The following KIAA0825 variants were observed in gnomAD, a reference collection of about 807,000 sequenced individuals.
The protein encoded by KIAA0825 is uncharacterized protein KIAA0825.
Under a neutral mutation model 147.6 loss-of-function variants are expected in KIAA0825, and 119 were observed. The observed-to-expected ratio is 0.81, with a 90% CI of 0.69 to 0.94. The LOEUF is 0.94. KIAA0825 is among the 40% of genes least tolerant of loss of function. The pLI is 0.00. For missense variants in KIAA0825, 1,381 were observed against 1,472.7 expected (o/e 0.94, Z 1.02); for synonymous variants, 470 against 518.1 (o/e 0.91, Z 1.26).
chr5:94,497,566 A>AAAAC (rs1441000625), intron 5 of KIAA0825, among the ~76,000 whole-genome samples: 2 of 152,230 alleles, frequency 1.3e-5, no homozygotes, highest in Admixed American at 6.5e-5. Context: ...GCCCCAAAGT[A>AAAAC]AAACAAACAA....
At chr5:94,349,140 G>A (rs1296587574) in intron 20 of KIAA0825, among the ~76,000 whole-genome samples, 3 of 151,844 alleles carry the variant, frequency 2.0e-5, no homozygotes, top group South Asian at 2.1e-4. Flanking sequence ...AAGCAGGGGT[G>A]GCTATTCTTA....
At chr5:94,515,329 C>T (rs1767052212) in intron 5 of KIAA0825, among the ~76,000 whole-genome samples, 1 of 151,994 alleles carries the variant, frequency 6.6e-6, no homozygotes, top group Non-Finnish European at 1.5e-5. Context: ...GATATGTGTA[C>T]AATTGTATAT....
chr5:94,208,872 C>T (rs886581000), intron 20 of KIAA0825, among the ~76,000 whole-genome samples: 1 of 152,194 alleles, frequency 6.6e-6, no homozygotes, highest in South Asian at 2.1e-4. Flanking sequence ...CTTATTCATA[C>T]AAGAATAGGT....
chr5:94,384,560 G>A (rs1748886440), intron 19 of KIAA0825, 102 bp from the exon 20 acceptor site: 2 of 885,028 alleles, frequency 2.3e-6, no homozygotes, highest in East Asian at 2.7e-5. Flanking sequence ...CTAAGAAGGA[G>A]GGGGGTCCAG....
At chr5:94,593,301 T>C in intron 1 of KIAA0825, 3 of 783,994 alleles carry the variant, frequency 3.8e-6, no homozygotes, top group Non-Finnish European at 7.0e-6. Flanking sequence ...AAATAGCTGA[T>C]ATTGTCCATA....
At chr5:94,268,658 T>C (rs938989731) in intron 20 of KIAA0825, among the ~76,000 whole-genome samples, 3 of 152,162 alleles carry the variant, frequency 2.0e-5, no homozygotes, top group Non-Finnish European at 4.4e-5. Context: ...GGATTACTGG[T>C]CATGCTCTGC....
intron 20 of KIAA0825, among the ~76,000 whole-genome samples, chr5:94,338,504 G>A (rs1450603977): frequency 2.6e-5 from 4 of 151,988 alleles, no homozygotes; most frequent in African/African-American, 9.7e-5. Flanking sequence ...AGTCAATAAT[G>A]AACTACATAG....
At chr5:94,599,179 A>T (rs976710278) in intron 1 of KIAA0825, among the ~76,000 whole-genome samples, 5 of 152,044 alleles carry the variant, frequency 3.3e-5, no homozygotes, top group African/African-American at 1.2e-4. Flanking sequence ...CCTAACTGGG[A>T]TTAGAAGCTA....
chr5:94,337,016 A>G (rs1430526818), intron 20 of KIAA0825, among the ~76,000 whole-genome samples: 1 of 152,222 alleles, frequency 6.6e-6, no homozygotes, highest in African/African-American at 2.4e-5. Flanking sequence ...TTAAACTGAT[A>G]CATGTGCCTC....
chr5:94,593,016 C>A, intron 1 of KIAA0825: 2 of 638,700 alleles, frequency 3.1e-6, no homozygotes, highest in South Asian at 1.6e-5. Context: ...AGCAGAAGAT[C>A]AGTCTATTAA....
At chr5:94,518,170 C>T (rs1031525454) in intron 5 of KIAA0825, among the ~76,000 whole-genome samples, 3 of 152,062 alleles carry the variant, frequency 2.0e-5, no homozygotes, top group African/African-American at 7.2e-5. Flanking sequence ...ACAACCCATT[C>T]GAGCCATTGT....
chr5:94,302,476 C>T (rs1391714656), intron 20 of KIAA0825, among the ~76,000 whole-genome samples: 2 of 152,088 alleles, frequency 1.3e-5, no homozygotes, highest in Non-Finnish European at 2.9e-5. Flanking sequence ...TCAATTCAAG[C>T]ATCATGTCCC....
At position 94,477,108 on chromosome 5, in the gene KIAA0825, T is replaced by C. The variant is rs1363900853; in HGVS notation, c.1227+3A>G. The C allele has an allele frequency of 4.5e-6, 7 of 1,547,540 alleles. No individual in the cohort carries two copies. In the East Asian group the frequency reaches 1.5e-4, roughly 33 times the overall value. On this transcript the variant is annotated splice_donor_region_variant and intron_variant, in intron 7 of 20. Coordinates refer to ENST00000682413, the MANE Select transcript of KIAA0825 (RefSeq NM_001145678.3). Reference sequence around the variant, plus strand: ...ATAAAACACTTCTTTTTCCTTCACTTACCTCTTTTCCTGGTAGTGATTGCT... The same window carrying C: ...ATAAAACACTTCTTTTTCCTTCACTCACCTCTTTTCCTGGTAGTGATTGCT...
intron 5 of KIAA0825, among the ~76,000 whole-genome samples, chr5:94,516,444 T>C (rs1288573249): frequency 6.6e-6 from 1 of 152,088 alleles, no homozygotes; most frequent in East Asian, 1.9e-4. Context: ...TCTGAATCAT[T>C]ATCAATAAAA....
intron 20 of KIAA0825, among the ~76,000 whole-genome samples, chr5:94,176,336 C>T (rs551624083): frequency 6.6e-6 from 1 of 152,252 alleles, no homozygotes; most frequent in Non-Finnish European, 1.5e-5. Flanking sequence ...GAGGCCCTCA[C>T]TGGATGTAGC....
chr5:94,309,815 C>T (rs1778999483), intron 20 of KIAA0825, among the ~76,000 whole-genome samples: 1 of 151,642 alleles, frequency 6.6e-6, no homozygotes, highest in Non-Finnish European at 1.5e-5. Context: ...CATGAAACCT[C>T]ACACAGTATA....
intron 2 of KIAA0825, among the ~76,000 whole-genome samples, chr5:94,567,116 G>T (rs1778847396): frequency 6.6e-6 from 1 of 152,106 alleles, no homozygotes; most frequent in Non-Finnish European, 1.5e-5. Flanking sequence ...GCATTTCAAA[G>T]CGTAATTGGG....
At chr5:94,614,690 T>C (rs570726794) in intron 1 of KIAA0825, among the ~76,000 whole-genome samples, 1 of 152,194 alleles carries the variant, frequency 6.6e-6, no homozygotes, top group African/African-American at 2.4e-5. Context: ...AGGTCTTTCC[T>C]CATCTGCCCT....
chr5:94,177,099 A>G (rs1353625549), intron 20 of KIAA0825, among the ~76,000 whole-genome samples: 2 of 152,278 alleles, frequency 1.3e-5, no homozygotes, highest in East Asian at 1.9e-4. Context: ...CTTTATGTGG[A>G]AAATTCAGCT....
Sources: gnomAD v4.1 joint callset for allele counts (sites outside exome capture counted in the v4.1 genomes callset) on GRCh38, gnomAD v4.1.1 for gene constraint, MANE v1.5 for transcripts, NCBI Gene and HGNC (gene_info 2026-07-23, HGNC 2026-07-21) for gene names.